GPC6: variants seen among roughly 807,000 people sequenced by gnomAD.
The protein encoded by GPC6 is glypican-6.
Under a neutral mutation model 55.2 loss-of-function variants are expected in GPC6, and 14 were observed. That is an observed-to-expected ratio of 0.25 (90% CI 0.17 to 0.40). The LOEUF is 0.40. Ranked by LOEUF, GPC6 falls within the 10% of genes least tolerant of loss-of-function variation. GPC6 has a pLI of 1.00. For missense variants in GPC6, 641 were observed against 708.5 expected (o/e 0.90, Z 1.08); for synonymous variants, 278 against 259.6 (o/e 1.07, Z -0.68).
intron 5 of GPC6, among the ~76,000 whole-genome samples, chr13:94,297,316 A>G (rs756058644): frequency 1.3e-5 from 2 of 152,210 alleles, no homozygotes; most frequent in Non-Finnish European, 1.5e-5. Flanking sequence ...AAGGAATGGT[A>G]GAGCCCGTCT....
chr13:94,080,108 A>G (rs1301501151), intron 4 of GPC6, among the ~76,000 whole-genome samples: 4 of 152,228 alleles, frequency 2.6e-5, no homozygotes, highest in African/African-American at 7.2e-5. Flanking sequence ...CTCATAGAAA[A>G]GAAAACCAGA....
intron 2 of GPC6, among the ~76,000 whole-genome samples, chr13:93,679,446 A>G (rs1474605374): frequency 1.3e-5 from 2 of 152,212 alleles, no homozygotes; most frequent in Non-Finnish European, 2.9e-5. Flanking sequence ...TAGACATGCC[A>G]AAAGAAAAGA....
chr13:93,691,752 T>G (rs1243874763), intron 2 of GPC6, among the ~76,000 whole-genome samples: 1 of 152,210 alleles, frequency 6.6e-6, no homozygotes, highest in Non-Finnish European at 1.5e-5. Flanking sequence ...ACATTGACTA[T>G]GTTATGATAA....
intron 3 of GPC6, among the ~76,000 whole-genome samples, chr13:93,895,234 G>GTGTGTGTGTGTGTA (rs1196315147): frequency 5.5e-5 from 6 of 108,208 alleles, no homozygotes; most frequent in African/African-American, 2.2e-4. Context: ...GTGTGTGTGT[G>GTGTGTGTGTGTGTA]TATATATATA....
At chr13:94,287,970 C>A (rs1418651113) in intron 5 of GPC6, among the ~76,000 whole-genome samples, 1 of 152,178 alleles carries the variant, frequency 6.6e-6, no homozygotes, top group African/African-American at 2.4e-5. Flanking sequence ...CGTGTGCATA[C>A]ATTTTCCAAG....
chr13:93,294,158 A>G (rs1174949171), intron 1 of GPC6, among the ~76,000 whole-genome samples: 1 of 152,218 alleles, frequency 6.6e-6, no homozygotes, highest in Admixed American at 6.5e-5. Context: ...TTCTCCAAAG[A>G]TATTTTTTAT....
At chr13:93,966,361 A>C (rs1424420387) in intron 3 of GPC6, among the ~76,000 whole-genome samples, 2 of 152,196 alleles carry the variant, frequency 1.3e-5, no homozygotes, top group Non-Finnish European at 2.9e-5. Context: ...GCCAAGGTAT[A>C]TGTGTGTGAA....
At chr13:93,834,515 A>G (rs1028624951) in intron 3 of GPC6, among the ~76,000 whole-genome samples, 1 of 152,182 alleles carries the variant, frequency 6.6e-6, no homozygotes, top group Admixed American at 6.5e-5. Context: ...TGAAGGAGGG[A>G]TACATAGAGA....
chr13:93,853,879 A>G (rs1385643818), intron 3 of GPC6, among the ~76,000 whole-genome samples: 1 of 151,714 alleles, frequency 6.6e-6, no homozygotes, highest in Non-Finnish European at 1.5e-5. Flanking sequence ...AATTCACAAA[A>G]CTACTCAAGT....
At chr13:94,305,490 C>T (rs1056103572) in intron 5 of GPC6, among the ~76,000 whole-genome samples, 1 of 152,144 alleles carries the variant, frequency 6.6e-6, no homozygotes, top group African/African-American at 2.4e-5. Context: ...CCATTTTAAA[C>T]ATTGAAATCA....
Position 93,544,680 on chromosome 13 carries a change from T to C in GPC6, c.161-583T>C, listed in dbSNP as rs188366742. Among the ~76,000 whole-genome samples the C allele has an allele frequency of 5.9e-4, 90 of 152,312 alleles. 1 individual carries two copies. Among genetic ancestry groups the C allele is most frequent in the African/African-American group, 2.0e-3 (85 of 41,574 alleles). On this transcript the variant is annotated intron_variant, in intron 1 of 8. Transcript: ENST00000377047. ...TCTACATTTCCTTATAACGTAAGCA[T>C]TAATTAAACCCATCAGTGACTTCCT...
intron 4 of GPC6, among the ~76,000 whole-genome samples, chr13:94,121,418 A>G (rs1320011051): frequency 6.6e-6 from 1 of 152,144 alleles, no homozygotes; most frequent in Non-Finnish European, 1.5e-5. Flanking sequence ...ATAATGTCAC[A>G]TCCAAATCTC....
chr13:94,051,784 T>C (rs1056471219), intron 4 of GPC6, among the ~76,000 whole-genome samples: 3 of 152,182 alleles, frequency 2.0e-5, no homozygotes, highest in African/African-American at 7.2e-5. Context: ...CTCTTTAGTT[T>C]CACTGCATAG....
chr13:93,527,002 G>T (rs1451559185), intron 1 of GPC6, among the ~76,000 whole-genome samples: 1 of 151,860 alleles, frequency 6.6e-6, no homozygotes, highest in East Asian at 1.9e-4. Flanking sequence ...TATTCTTAGT[G>T]TGCCCTAAGC....
intron 6 of GPC6, among the ~76,000 whole-genome samples, chr13:94,378,159 C>T (rs1016749440): frequency 6.6e-6 from 1 of 151,922 alleles, no homozygotes; most frequent in Non-Finnish European, 1.5e-5. Flanking sequence ...AACTAACCTG[C>T]ACAATGTGCA....
intron 3 of GPC6, among the ~76,000 whole-genome samples, chr13:93,959,827 T>C (rs1042337078): frequency 9.2e-5 from 14 of 152,188 alleles, no homozygotes; most frequent in African/African-American, 3.4e-4. Flanking sequence ...ATTTTAGAAA[T>C]GACGAAACTA....
At chr13:93,751,697 T>A (rs1047342849) in intron 2 of GPC6, among the ~76,000 whole-genome samples, 1 of 148,814 alleles carries the variant, frequency 6.7e-6, no homozygotes, top group Non-Finnish European at 1.5e-5. Context: ...AATTTTTAAA[T>A]TTTTTTTTTG....
At chr13:93,751,133 C>T (rs1401067874) in intron 2 of GPC6, among the ~76,000 whole-genome samples, 1 of 150,992 alleles carries the variant, frequency 6.6e-6, no homozygotes, top group African/African-American at 2.4e-5. Context: ...TTGCAAGTTA[C>T]AGCTTTTCAA....
At chr13:93,239,790 A>G (rs1230684975) in intron 1 of GPC6, among the ~76,000 whole-genome samples, 6 of 151,926 alleles carry the variant, frequency 3.9e-5, no homozygotes, top group Non-Finnish European at 7.4e-5. Flanking sequence ...TCCTGTTAGT[A>G]CTGCTTTTAC....
Sources: allele counts gnomAD v4.1 joint callset (sites outside exome capture counted in the v4.1 genomes callset), GRCh38; gene constraint gnomAD v4.1.1; transcripts MANE v1.5; gene names NCBI Gene and HGNC (gene_info 2026-07-23, HGNC 2026-07-21).